Variants in ARL5A observed in about 807,000 individuals in gnomAD.
The protein encoded by ARL5A is ARF like GTPase 5A.
A neutral mutation model predicts 25.9 loss-of-function variants in ARL5A; 18 were observed. The ratio of observed to expected loss-of-function variants is 0.69; its 90% CI spans 0.48 to 1.03. The LOEUF is 1.03. Ranked by LOEUF, ARL5A falls within the 50% of genes least tolerant of loss-of-function variation. ARL5A has a pLI of 0.00. For missense variants in ARL5A, 170 were observed against 211.9 expected (o/e 0.80, Z 1.23); for synonymous variants, 61 against 67.5 (o/e 0.90, Z 0.47).
chr2:151,819,226 G>A (rs2099831922), intron 1 of ARL5A, among the ~76,000 whole-genome samples: 1 of 152,172 alleles, frequency 6.6e-6, no homozygotes, highest in Admixed American at 6.5e-5. Flanking sequence ...TACAAGGGCC[G>A]TAATCAGCTA....
rs549323957 is a variant in ARL5A, at chr2:151,827,992, G to A, written c.46+139C>T. On this transcript the variant is annotated intron_variant, in intron 1 of 5. Coordinates refer to ENST00000295087, the MANE Select transcript of ARL5A (RefSeq NM_012097.4). ...GCCGGGACCGAACCGTCCCGGGCCC[G>A]TATCCGCGCAGCCTGCACCCCGCGC... 2.1e-5 allele frequency: 18 copies of A among 842,276 alleles called. No individual in the cohort carries two copies. The East Asian group carries it at 3.0e-4, about 14-fold the overall frequency. 52.2% of individuals were successfully genotyped at this position (842,276 alleles called of 1,614,324 possible). A position where few individuals can be genotyped will look rare whatever the true frequency, so the allele number is the denominator to read the frequency against.
At chr2:151,815,624 G>C (rs1417886606) in intron 1 of ARL5A, among the ~76,000 whole-genome samples, 2 of 152,172 alleles carry the variant, frequency 1.3e-5, no homozygotes, top group African/African-American at 4.8e-5. Context: ...TGGAGTGAAT[G>C]GGAAGGAAAA....
At chr2:151,810,547 GTCT>G (rs2099830699) in intron 4 of ARL5A, 3 of 444,460 alleles carry the variant, frequency 6.7e-6, no homozygotes, top group South Asian at 3.2e-5. Flanking sequence ...CCCTACTTAG[GTCT>G]TCTTTTTACT....
At position 151,802,628 on chromosome 2, in the gene ARL5A, G is replaced by C. The variant is rs1228071764; in HGVS notation, c.*648C>G. 6.7e-6 allele frequency: 1 copy of C among 150,308 alleles called. No homozygotes were observed. The highest frequency in any genetic ancestry group is 6.7e-5 in the Admixed American group (1 of 15,008). The allele number at this position is 150,308 out of a possible 1,614,324, so 9.3% of individuals were successfully genotyped here. On this transcript the variant is annotated 3_prime_UTR_variant, in exon 6 of 6. Coordinates refer to ENST00000295087, the MANE Select transcript of ARL5A (RefSeq NM_012097.4). Reference sequence around the variant, plus strand: ...CCTTTTTTTTTTTTTTAAACAAGCAGCTCAGCGATTTGGGAGGTTGGTTAG... The same window carrying C: ...CCTTTTTTTTTTTTTTAAACAAGCACCTCAGCGATTTGGGAGGTTGGTTAG...
intron 1 of ARL5A, among the ~76,000 whole-genome samples, chr2:151,817,635 GC>G (rs1444520398): frequency 6.6e-6 from 1 of 152,184 alleles, no homozygotes; most frequent in African/African-American, 2.4e-5. Flanking sequence ...AGAGCAGGCA[GC>G]TTAGAACCAC....
intron 1 of ARL5A, among the ~76,000 whole-genome samples, chr2:151,823,420 C>T (rs1325025477): frequency 2.0e-5 from 3 of 151,628 alleles, no homozygotes; most frequent in African/African-American, 7.3e-5. Context: ...TTCTTTTGCA[C>T]TATGAGGTTG....
Position 151,806,919 on chromosome 2 carries a change from T to G in ARL5A, c.393A>C (p.Glu131Asp). The G allele has an allele frequency of 1.2e-6, 2 of 1,613,106 alleles. No individual in the cohort carries two copies. The highest frequency in any genetic ancestry group is 1.7e-6 in the Non-Finnish European group (2 of 1,179,608). Residue 131 changes from glutamate (E) to aspartate (D), a missense_variant, in exon 5 of 6, where the codon GAA (glutamate) becomes GAC (aspartate). Transcript: ENST00000295087. The stretch of plus-strand genomic sequence containing the variant: ...GGGAGATTTCTGCTACAGTCATGCA[T>G]TCTTTAACATCTTGTTTATTAGCAA... ...LIFANKQDVK[E>D]CMTVAEISQF...
intron 5 of ARL5A, among the ~76,000 whole-genome samples, chr2:151,806,250 A>C (rs947010605): frequency 1.5e-4 from 23 of 152,126 alleles, no homozygotes; most frequent in Non-Finnish European, 2.6e-4. Context: ...AACATCTATC[A>C]TTCCAGAACC....
In ARL5A at chr2:151,806,895, G is replaced by A. The variant is rs978233735; in HGVS notation, c.417C>T (p.Ser139=). The stretch of plus-strand genomic sequence containing the variant: ...TAATAGAAGTTAGCTTCAAAAACTG[G>A]GAGATTTCTGCTACAGTCATGCATT... ...VKECMTVAEI[S]QFLKLTSIKD... Residue 139 remains serine, a synonymous_variant, in exon 5 of 6, where the codon TCC becomes TCT. Coordinates refer to ENST00000295087, the MANE Select transcript of ARL5A (RefSeq NM_012097.4). 7.4e-6 allele frequency: 12 copies of A among 1,613,402 alleles called. No homozygotes were observed. Among genetic ancestry groups the A allele is most frequent in the Non-Finnish European group, 1.0e-5 (12 of 1,179,698 alleles).
At chr2:151,823,485 G>A (rs887771282) in intron 1 of ARL5A, among the ~76,000 whole-genome samples, 1 of 152,022 alleles carries the variant, frequency 6.6e-6, no homozygotes, top group African/African-American at 2.4e-5. Context: ...CAATCAGGAG[G>A]CAGAAATCAC....
intron 4 of ARL5A, among the ~76,000 whole-genome samples, chr2:151,808,120 G>A (rs3820705): frequency 6.6e-6 from 1 of 152,104 alleles, no homozygotes; most frequent in Non-Finnish European, 1.5e-5. Context: ...TTAATAAATA[G>A]CCTAAATTCC....
chr2:151,808,350 A>C lies in ARL5A; in HGVS notation c.340-1378T>G, dbSNP rs779693850. ...ATGTGTTTGAATAAATAAAATCTTC[A>C]GCAGATACAAAATGACTTTTGTTAG... On this transcript the variant is annotated intron_variant, in intron 4 of 5. Transcript: ENST00000295087. Among the ~76,000 whole-genome samples the C allele has an allele frequency of 7.2e-5, 11 of 152,246 alleles. No individual in the cohort carries two copies. In the East Asian group the frequency reaches 2.1e-3, roughly 29 times the overall value.
At position 151,799,498 on chromosome 2, in the gene ARL5A, A is replaced by T. The variant is rs897922943; in HGVS notation, c.*3778T>A. 1 of 152,236 alleles carries T rather than the reference A, an allele frequency of 6.6e-6. No individual in the cohort carries two copies. Among genetic ancestry groups the T allele is most frequent in the Admixed American group, 6.5e-5 (1 of 15,278 alleles). 9.4% of individuals were successfully genotyped at this position (152,236 alleles called of 1,614,324 possible). On this transcript the variant is annotated 3_prime_UTR_variant, in exon 6 of 6. Transcript: ENST00000295087. Reference sequence around the variant, plus strand: ...AACCATTCTTGGTAGTGGGAAGATAATACACATAAAACTTAATCCTGCCCA... The same window carrying T: ...AACCATTCTTGGTAGTGGGAAGATATTACACATAAAACTTAATCCTGCCCA...
In ARL5A at chr2:151,800,074, T is replaced by C. The variant is rs1434314569; in HGVS notation, c.*3202A>G. The C allele has an allele frequency of 2.0e-5, 3 of 152,204 alleles. No individual in the cohort carries two copies. Among genetic ancestry groups the C allele is most frequent in the African/African-American group, 7.2e-5 (3 of 41,444 alleles). 9.4% of individuals were successfully genotyped at this position (152,204 alleles called of 1,614,324 possible). On this transcript the variant is annotated 3_prime_UTR_variant, in exon 6 of 6. Coordinates refer to ENST00000295087, the MANE Select transcript of ARL5A (RefSeq NM_012097.4). ...GGGCAGTTGAGAGAAGACTGGAGTT[T>C]GGAGATAACCGATGATGTGGTATTA...
chr2:151,815,702 G>C (rs2099831417), intron 1 of ARL5A, among the ~76,000 whole-genome samples: 1 of 152,096 alleles, frequency 6.6e-6, no homozygotes, highest in South Asian at 2.1e-4. Context: ...ACTGTAACAT[G>C]AAAAACAAAT....
At chr2:151,811,653 C>A (rs1297950369) in intron 4 of ARL5A, among the ~76,000 whole-genome samples, 1 of 152,144 alleles carries the variant, frequency 6.6e-6, no homozygotes, top group Non-Finnish European at 1.5e-5. Flanking sequence ...CTCACTGTAG[C>A]CTTGACCTCC....
At chr2:151,825,959 C>CA (rs1264334802) in intron 1 of ARL5A, among the ~76,000 whole-genome samples, 3 of 152,110 alleles carry the variant, frequency 2.0e-5, no homozygotes, top group East Asian at 1.9e-4. Context: ...CCCATCTCTA[C>CA]AAAAAATACA....
rs1276723074 is a variant in ARL5A, at chr2:151,800,079, A to G, written c.*3197T>C. 4 of 152,212 alleles carry G rather than the reference A, an allele frequency of 2.6e-5. No individual in the cohort carries two copies. The highest frequency in any genetic ancestry group is 9.6e-5 in the African/African-American group (4 of 41,460). 9.4% of individuals were successfully genotyped at this position (152,212 alleles called of 1,614,324 possible). A position where few individuals can be genotyped will look rare whatever the true frequency, so the allele number is the denominator to read the frequency against. On this transcript the variant is annotated 3_prime_UTR_variant, in exon 6 of 6. Coordinates refer to ENST00000295087, the MANE Select transcript of ARL5A (RefSeq NM_012097.4). Reference sequence around the variant, plus strand: ...GTTGAGAGAAGACTGGAGTTTGGAGATAACCGATGATGTGGTATTATCTCC... The same window carrying G: ...GTTGAGAGAAGACTGGAGTTTGGAGGTAACCGATGATGTGGTATTATCTCC...
At chr2:151,810,282 G>C in intron 4 of ARL5A, 1 of 155,554 alleles carries the variant, frequency 6.4e-6, no homozygotes, top group Non-Finnish European at 1.4e-5. Context: ...ATAATGTAAA[G>C]AGTCATTATC....
Sources: gnomAD v4.1 joint callset for allele counts (sites outside exome capture counted in the v4.1 genomes callset) on GRCh38, gnomAD v4.1.1 for gene constraint, MANE v1.5 for transcripts, NCBI Gene and HGNC (gene_info 2026-07-23, HGNC 2026-07-21) for gene names.